PBX1: variants seen among roughly 807,000 people sequenced by gnomAD.
The protein encoded by PBX1 is pre-B-cell leukemia transcription factor 1.
PBX1 carries 6 observed loss-of-function variants against 53.4 expected under a neutral mutation model. The ratio of observed to expected loss-of-function variants is 0.11; its 90% CI spans 0.06 to 0.22. The LOEUF (loss-of-function observed/expected upper bound fraction) is 0.22, where lower values mean the gene tolerates loss of function less well. Ranked by LOEUF, PBX1 falls within the 10% of genes least tolerant of loss-of-function variation. The probability of loss-of-function intolerance (pLI) is 1.00; values close to 1 mark genes in which losing one functional copy is unlikely to be tolerated. For synonymous variants in PBX1, 204 were observed against 212.3 expected (o/e 0.96, Z 0.34); for missense variants, 251 against 551.4 (o/e 0.46, Z 5.46).
intron 2 of PBX1, among the ~76,000 whole-genome samples, chr1:164,874,015 A>AG (rs1478936162): frequency 1.3e-5 from 2 of 151,628 alleles, no homozygotes; most frequent in South Asian, 4.2e-4. Flanking sequence ...CAGAAAAAAA[A>AG]AAAAAGAAAA....
intron 2 of PBX1, among the ~76,000 whole-genome samples, chr1:164,665,820 C>T (rs1432679899): frequency 1.3e-5 from 2 of 152,134 alleles, no homozygotes; most frequent in Non-Finnish European, 2.9e-5. Flanking sequence ...AGATTGAGTC[C>T]CCTAAATTAA....
intron 2 of PBX1, among the ~76,000 whole-genome samples, chr1:164,723,082 G>A (rs1664497289): frequency 6.6e-6 from 1 of 152,170 alleles, no homozygotes; most frequent in Non-Finnish European, 1.5e-5. Flanking sequence ...TTATAAATGC[G>A]AGGATGGTGT....
chr1:164,806,850 G>A (rs564647077), intron 4 of PBX1, among the ~76,000 whole-genome samples: 1 of 152,314 alleles, frequency 6.6e-6, no homozygotes, highest in East Asian at 1.9e-4. Context: ...TGCTGTCTTT[G>A]TGTGGTCTCA....
chr1:164,846,075 C>T (rs1671555611), intron 8 of PBX1, among the ~76,000 whole-genome samples: 1 of 152,072 alleles, frequency 6.6e-6, no homozygotes, highest in South Asian at 2.1e-4. Flanking sequence ...TACCCATGAG[C>T]ATCTAGTATA....
chr1:164,649,178 C>T (rs1659637992), intron 2 of PBX1, among the ~76,000 whole-genome samples: 1 of 152,126 alleles, frequency 6.6e-6, no homozygotes, highest in Non-Finnish European at 1.5e-5. Context: ...CTGCTGCCTT[C>T]CAAAACAAAT....
chr1:164,838,275 C>T (rs887144364), intron 8 of PBX1, among the ~76,000 whole-genome samples: 1 of 152,162 alleles, frequency 6.6e-6, no homozygotes, highest in African/African-American at 2.4e-5. Flanking sequence ...CTCTGCCTTG[C>T]CAGTGTAAGT....
chr1:164,717,098 A>G (rs1308886674), intron 2 of PBX1, among the ~76,000 whole-genome samples: 1 of 152,214 alleles, frequency 6.6e-6, no homozygotes, highest in Non-Finnish European at 1.5e-5. Context: ...CAGCATTTTT[A>G]TAGCCATTTT....
At chr1:164,645,732 G>T (rs964175060) in intron 2 of PBX1, among the ~76,000 whole-genome samples, 3 of 152,164 alleles carry the variant, frequency 2.0e-5, no homozygotes, top group Non-Finnish European at 4.4e-5. Context: ...GTGCAAATTT[G>T]TCCCCAGGGA....
At chr1:164,778,779 C>T (rs1667792435) in intron 2 of PBX1, among the ~76,000 whole-genome samples, 1 of 152,184 alleles carries the variant, frequency 6.6e-6, no homozygotes, top group Admixed American at 6.5e-5. Context: ...TCCACATTGG[C>T]CTTCATCCCG....
intron 4 of PBX1, among the ~76,000 whole-genome samples, chr1:164,803,305 C>T (rs1283830795): frequency 6.6e-6 from 1 of 152,226 alleles, no homozygotes; most frequent in Non-Finnish European, 1.5e-5. Flanking sequence ...CATCTACCTA[C>T]TCCACCTGAA....
chr1:164,657,855 A>G (rs1660252111), intron 2 of PBX1, among the ~76,000 whole-genome samples: 1 of 152,246 alleles, frequency 6.6e-6, no homozygotes, highest in Admixed American at 6.5e-5. Context: ...TGCAACCTGC[A>G]TGCTGTGCAA....
chr1:164,645,768 C>T (rs1659419387), intron 2 of PBX1, among the ~76,000 whole-genome samples: 1 of 152,180 alleles, frequency 6.6e-6, no homozygotes, highest in Admixed American at 6.5e-5. Flanking sequence ...TGAGATTATA[C>T]TGGGCAGAAA....
chr1:164,757,197 A>G (rs1490449261), intron 2 of PBX1, among the ~76,000 whole-genome samples: 1 of 152,180 alleles, frequency 6.6e-6, no homozygotes, highest in Non-Finnish European at 1.5e-5. Context: ...ACATATAAAA[A>G]ATATTTTGGG....
chr1:164,696,473 G>A (rs995869514), intron 2 of PBX1, among the ~76,000 whole-genome samples: 1 of 152,150 alleles, frequency 6.6e-6, no homozygotes, highest in Admixed American at 6.5e-5. Flanking sequence ...CATGTAACTC[G>A]GAAATAAGGC....
At chr1:164,759,156 C>G (rs915267061) in intron 2 of PBX1, among the ~76,000 whole-genome samples, 3 of 152,150 alleles carry the variant, frequency 2.0e-5, no homozygotes, top group Non-Finnish European at 4.4e-5. Context: ...ATCCTACTAT[C>G]TAAAAAAATA....
At chr1:164,672,160 C>T (rs1282324515) in intron 2 of PBX1, among the ~76,000 whole-genome samples, 1 of 151,752 alleles carries the variant, frequency 6.6e-6, no homozygotes, top group Non-Finnish European at 1.5e-5. Context: ...TTCTCTGCAG[C>T]GTGTCTGTCT....
intron 6 of PBX1, 56 bp from the exon 7 acceptor site, chr1:164,820,016 C>T (rs942292332): frequency 2.9e-5 from 29 of 1,002,700 alleles, no homozygotes; most frequent in Non-Finnish European, 3.4e-5. Context: ...CTGTTAGTTG[C>T]GGGGTTTGAG....
chr1:164,805,500 C>T (rs1328317194), intron 4 of PBX1, among the ~76,000 whole-genome samples: 1 of 152,154 alleles, frequency 6.6e-6, no homozygotes, highest in African/African-American at 2.4e-5. Flanking sequence ...CCGCATACCA[C>T]CAGCTCATTC....
intron 2 of PBX1, among the ~76,000 whole-genome samples, chr1:164,721,153 C>T (rs907847647): frequency 2.0e-5 from 3 of 152,226 alleles, no homozygotes; most frequent in African/African-American, 7.2e-5. Context: ...AAACTGTCTA[C>T]TCCCATTTCT....
Sources: gnomAD v4.1 joint callset for allele counts (sites outside exome capture counted in the v4.1 genomes callset) on GRCh38, gnomAD v4.1.1 for gene constraint, MANE v1.5 for transcripts, NCBI Gene and HGNC (gene_info 2026-07-23, HGNC 2026-07-21) for gene names.